Variants in RASAL2 observed in about 807,000 individuals in gnomAD.
RASAL2 encodes ras GTPase-activating protein nGAP.
RASAL2 carries 58 observed loss-of-function variants against 128.9 expected under a neutral mutation model. The ratio of observed to expected loss-of-function variants is 0.45; its 90% CI spans 0.36 to 0.56. The LOEUF (loss-of-function observed/expected upper bound fraction) is 0.56, where lower values mean the gene tolerates loss of function less well. Among genes scored for constraint, RASAL2 ranks in the 20% least tolerant of loss-of-function variants. RASAL2 has a pLI of 0.00. For synonymous variants in RASAL2, 561 were observed against 580.8 expected, an observed-to-expected ratio of 0.97 and a Z score of 0.49; for missense variants, 1,360 against 1,601.6, an observed-to-expected ratio of 0.85 and a Z score of 2.57.
intron 1 of RASAL2, among the ~76,000 whole-genome samples, chr1:178,124,060 T>C (rs1008948652): frequency 1.3e-5 from 2 of 151,958 alleles, no homozygotes; most frequent in African/African-American, 4.8e-5. Flanking sequence ...CCCCAGAAAA[T>C]GAAAGTAGAC....
intron 1 of RASAL2, among the ~76,000 whole-genome samples, chr1:178,188,306 G>T (rs1490699314): frequency 6.6e-6 from 1 of 152,058 alleles, no homozygotes; most frequent in African/African-American, 2.4e-5. Flanking sequence ...TGAGGCCATT[G>T]TATTCTGCCT....
chr1:178,464,841 T>TTG (rs1553239157), intron 15 of RASAL2, among the ~76,000 whole-genome samples: 3 of 143,670 alleles, frequency 2.1e-5, no homozygotes, highest in Non-Finnish European at 4.5e-5. Flanking sequence ...GTTTTTTTTT[T>TTG]TTTTTTTTTT....
intron 1 of RASAL2, among the ~76,000 whole-genome samples, chr1:178,243,579 A>T (rs1664619736): frequency 6.7e-6 from 1 of 149,618 alleles, no homozygotes; most frequent in African/African-American, 2.5e-5. Flanking sequence ...CTTGCTAGTG[A>T]TGCTAGGCTT....
At chr1:178,359,857 C>T (rs908245887) in intron 3 of RASAL2, among the ~76,000 whole-genome samples, 2 of 151,944 alleles carry the variant, frequency 1.3e-5, no homozygotes, top group African/African-American at 2.4e-5. Context: ...ATCTTTTTAG[C>T]GTATGAGACC....
At chr1:178,229,249 TA>T (rs997063384) in intron 1 of RASAL2, among the ~76,000 whole-genome samples, 8 of 152,246 alleles carry the variant, frequency 5.3e-5, no homozygotes, top group African/African-American at 1.9e-4. Context: ...AAAATTTTAA[TA>T]TTTTTGTAAT....
At chr1:178,229,839 A>G (rs1284676578) in intron 1 of RASAL2, among the ~76,000 whole-genome samples, 1 of 152,128 alleles carries the variant, frequency 6.6e-6, no homozygotes, top group Non-Finnish European at 1.5e-5. Context: ...GAAATGGTAA[A>G]CCTTAAGGGA....
At chr1:178,297,812 G>A (rs906290289) in intron 2 of RASAL2, among the ~76,000 whole-genome samples, 5 of 151,878 alleles carry the variant, frequency 3.3e-5, no homozygotes, top group Non-Finnish European at 5.9e-5. Flanking sequence ...TGAATTTTAG[G>A]CCCAAATAAA....
intron 1 of RASAL2, among the ~76,000 whole-genome samples, chr1:178,237,193 C>T (rs1451974387): frequency 2.0e-5 from 3 of 152,120 alleles, no homozygotes; most frequent in African/African-American, 4.8e-5. Context: ...CAAGACTACA[C>T]AGCTAGTAAG....
chr1:178,408,043 C>A (rs1331333791), intron 4 of RASAL2, among the ~76,000 whole-genome samples: 3 of 152,074 alleles, frequency 2.0e-5, no homozygotes, highest in South Asian at 4.1e-4. Context: ...TAATTTTAAG[C>A]CTTATTTTGA....
chr1:178,444,770 A>G (rs1181514207), intron 8 of RASAL2, among the ~76,000 whole-genome samples: 1 of 152,192 alleles, frequency 6.6e-6, no homozygotes, highest in Non-Finnish European at 1.5e-5. Flanking sequence ...AGTAGATTCT[A>G]CATTGACACT....
intron 1 of RASAL2, among the ~76,000 whole-genome samples, chr1:178,138,002 CAG>C (rs995311602): frequency 2.0e-5 from 3 of 152,214 alleles, no homozygotes; most frequent in African/African-American, 7.2e-5. Flanking sequence ...ATTGTGGAAA[CAG>C]AGATGCTCTC....
intron 1 of RASAL2, among the ~76,000 whole-genome samples, chr1:178,203,165 TACCATA>T (rs533766883): frequency 2.0e-4 from 30 of 152,230 alleles, no homozygotes; most frequent in Non-Finnish European, 3.7e-4. Context: ...CTACCAAGAC[TACCATA>T]TGTGGACTCA....
chr1:178,402,390 C>T (rs1345147349), intron 4 of RASAL2, among the ~76,000 whole-genome samples: 1 of 149,218 alleles, frequency 6.7e-6, no homozygotes, highest in Non-Finnish European at 1.5e-5. Context: ...GGCGACAGAG[C>T]GAGACTTCAT....
At chr1:178,389,356 A>G (rs1672761669) in intron 3 of RASAL2, 1 of 677,824 alleles carries the variant, frequency 1.5e-6, no homozygotes, top group Non-Finnish European at 1.8e-6. Flanking sequence ...GTATGCATAT[A>G]TATATACACA....
chr1:178,262,378 AGAG>A (rs1437686374), intron 1 of RASAL2, among the ~76,000 whole-genome samples: 2 of 152,248 alleles, frequency 1.3e-5, no homozygotes, highest in Non-Finnish European at 2.9e-5. Flanking sequence ...GTGGACCTAC[AGAG>A]GAGTTCAGAT....
chr1:178,220,819 C>G (rs1359928915), intron 1 of RASAL2, among the ~76,000 whole-genome samples: 1 of 152,140 alleles, frequency 6.6e-6, no homozygotes, highest in Non-Finnish European at 1.5e-5. Context: ...AGCCATTTGT[C>G]TACTGAAAGA....
intron 1 of RASAL2, among the ~76,000 whole-genome samples, chr1:178,198,673 TC>T (rs1272761719): frequency 6.6e-6 from 1 of 152,178 alleles, no homozygotes; most frequent in Non-Finnish European, 1.5e-5. Flanking sequence ...TGCTGCCTGA[TC>T]CTTTCTCTGG....
intron 3 of RASAL2, among the ~76,000 whole-genome samples, chr1:178,345,069 G>A (rs1420300536): frequency 1.3e-5 from 2 of 152,160 alleles, no homozygotes; most frequent in African/African-American, 2.4e-5. Flanking sequence ...GTCCTCTCTG[G>A]TACCCTCCTT....
At chr1:178,182,402 A>C (rs1662146520) in intron 1 of RASAL2, among the ~76,000 whole-genome samples, 1 of 152,186 alleles carries the variant, frequency 6.6e-6, no homozygotes, top group South Asian at 2.1e-4. Flanking sequence ...TAATATTAGA[A>C]GTCATGATCT....
Sources: gnomAD v4.1 joint callset for allele counts (sites outside exome capture counted in the v4.1 genomes callset) on GRCh38, gnomAD v4.1.1 for gene constraint, MANE v1.5 for transcripts, NCBI Gene and HGNC (gene_info 2026-07-23, HGNC 2026-07-21) for gene names.